ONECUT1: variants seen among roughly 807,000 people sequenced by gnomAD.
ONECUT1 encodes the protein hepatocyte nuclear factor 6.
ONECUT1 carries 12 observed loss-of-function variants against 25.6 expected under a neutral mutation model. The observed-to-expected ratio is 0.47, with a 90% CI of 0.30 to 0.76. The LOEUF (loss-of-function observed/expected upper bound fraction) is 0.76, where lower values mean the gene tolerates loss of function less well. Among genes scored for constraint, ONECUT1 ranks in the 30% least tolerant of loss-of-function variants. The pLI, the probability that ONECUT1 is intolerant of heterozygous loss-of-function variation, is 0.07. For synonymous variants in ONECUT1, 285 were observed against 270.2 expected, an observed-to-expected ratio of 1.05 and a Z score of -0.54; for missense variants, 620 against 651.2, an observed-to-expected ratio of 0.95 and a Z score of 0.52.
In ONECUT1 at chr15:52,755,845, A is replaced by G. The variant is rs973664946; in HGVS notation, c.*1710T>C. Among the ~76,000 whole-genome samples the G allele has an allele frequency of 5.9e-5, 9 of 152,186 alleles. No homozygotes were observed. The highest frequency in any genetic ancestry group is 2.2e-4 in the African/African-American group (9 of 41,418). ...GAATTCAGAGAGAATTTTTCTGGGA[A>G]TCAAGTGATTCACTGGGGTACCACT... On this transcript the variant is annotated 3_prime_UTR_variant, in exon 2 of 2. Transcript: ENST00000305901.
At chr15:52,760,299 G>A (rs62023484) in intron 1 of ONECUT1, among the ~76,000 whole-genome samples, 35,054 of 152,062 alleles carry the variant, frequency 0.23, 4,916 homozygotes, top group South Asian at 0.36. Context: ...AGCCCTCACC[G>A]GGCACCTAGA....
chr15:52,783,843 C>T (rs1050723530), intron 1 of ONECUT1, among the ~76,000 whole-genome samples: 4 of 152,226 alleles, frequency 2.6e-5, no homozygotes, highest in African/African-American at 9.6e-5. Context: ...CTGAGGTGTA[C>T]TTCGGAAGAT....
chr15:52,789,661 G>T lies in ONECUT1; in HGVS notation c.224C>A (p.Pro75His). 6.5e-7 allele frequency: 1 copy of T among 1,534,174 alleles called. No individual in the cohort carries two copies. ...CAGGGGGCCGGCCAGGCTGTGCTCA[G>T]GGGCCCGGTGGTGGTGGTGGTAATC... is the stretch of plus-strand genomic sequence containing the variant. The part of the protein sequence containing the change: ...GGDYHHHHRA[P>H]EHSLAGPLHP... Residue 75 changes from proline (P) to histidine (H), a missense_variant, in exon 1 of 2, where the codon CCT becomes CAT. Transcript: ENST00000305901. The surrounding 1 kb of genome is among the most constrained non-coding windows in gnomAD (Gnocchi z 4.1).
In ONECUT1 at chr15:52,757,442, T is replaced by C. The variant is rs1035016443; in HGVS notation, c.*113A>G. ...TTTCTTTGGACTATAAATAACGCTTTTTTTTCTTCAAATATTTCTAAGTAT... is the reference window on the plus strand; with the variant it reads ...TTTCTTTGGACTATAAATAACGCTTCTTTTTCTTCAAATATTTCTAAGTAT... On this transcript the variant is annotated 3_prime_UTR_variant, in exon 2 of 2. Coordinates refer to ENST00000305901, the MANE Select transcript of ONECUT1 (RefSeq NM_004498.4). 5 of 1,247,628 alleles carry C rather than the reference T, an allele frequency of 4.0e-6. No homozygotes were observed. The African/African-American group carries it at 6.1e-5, about 15-fold the overall frequency. The allele number at this position is 1,247,628 out of a possible 1,614,324, so 77.3% of individuals were successfully genotyped here.
intron 1 of ONECUT1, among the ~76,000 whole-genome samples, chr15:52,778,697 C>A (rs2083820018): frequency 6.6e-6 from 1 of 152,204 alleles, no homozygotes; most frequent in Non-Finnish European, 1.5e-5. Flanking sequence ...GACCACCTGA[C>A]AAGGGACTGG....
chr15:52,787,341 A>G (rs1294661235), intron 1 of ONECUT1, among the ~76,000 whole-genome samples: 1 of 151,992 alleles, frequency 6.6e-6, no homozygotes, highest in Admixed American at 6.5e-5. Flanking sequence ...AAACCCAAAG[A>G]ACGCTTTGGG....
At position 52,789,789 on chromosome 15, in the gene ONECUT1, G is replaced by C. The variant is rs1386152923; in HGVS notation, c.96C>G (p.Pro32=). Reference sequence around the variant, plus strand: ...GGTGCGCCACGGAGCTGCGCGCGTGGGGGCTGCCGCCCAGCAGGTCGGCAG... The same window carrying C: ...GGTGCGCCACGGAGCTGCGCGCGTGCGGGCTGCCGCCCAGCAGGTCGGCAG... ...PAPADLLGGS[P]HARSSVAHRG... Residue 32 remains proline, a synonymous_variant, in exon 1 of 2, where the codon CCC becomes CCG. Transcript: ENST00000305901. The surrounding 1 kb of genome is among the most constrained non-coding windows in gnomAD (Gnocchi z 4.1). 1 of 1,454,334 alleles carries C rather than the reference G, an allele frequency of 6.9e-7. No homozygotes were observed. Among genetic ancestry groups the C allele is most frequent in the Non-Finnish European group, 9.0e-7 (1 of 1,116,980 alleles). The allele number at this position is 1,454,334 out of a possible 1,614,324, so 90.1% of individuals were successfully genotyped here.
At chr15:52,766,013 G>A (rs746677969) in intron 1 of ONECUT1, among the ~76,000 whole-genome samples, 2 of 152,214 alleles carry the variant, frequency 1.3e-5, no homozygotes, top group Non-Finnish European at 2.9e-5. Context: ...GACATGAGCT[G>A]TGTTTGCTGT....
chr15:52,773,151 G>A (rs1239091575), intron 1 of ONECUT1, among the ~76,000 whole-genome samples: 2 of 152,154 alleles, frequency 1.3e-5, no homozygotes, highest in Admixed American at 6.5e-5. Context: ...TTTATTTTAT[G>A]GGTATGGGCA....
At chr15:52,783,590 A>G (rs2083854829) in intron 1 of ONECUT1, among the ~76,000 whole-genome samples, 1 of 152,158 alleles carries the variant, frequency 6.6e-6, no homozygotes, top group Non-Finnish European at 1.5e-5. Flanking sequence ...GGAAACAAAG[A>G]CTTCTCAGCT....
chr15:52,764,261 C>T (rs1230332768), intron 1 of ONECUT1, among the ~76,000 whole-genome samples: 7 of 152,210 alleles, frequency 4.6e-5, no homozygotes, highest in African/African-American at 2.4e-5. Flanking sequence ...CTCTTGAAGA[C>T]ACAAGCTCTG....
intron 1 of ONECUT1, among the ~76,000 whole-genome samples, chr15:52,774,100 C>T (rs1234128795): frequency 6.8e-6 from 1 of 146,834 alleles, no homozygotes; most frequent in African/African-American, 2.5e-5. Context: ...TGTACCATCC[C>T]ATAGGGAAAA....
chr15:52,779,310 G>A (rs574310946), intron 1 of ONECUT1, among the ~76,000 whole-genome samples: 6 of 151,790 alleles, frequency 4.0e-5, no homozygotes, highest in Admixed American at 2.6e-4. Flanking sequence ...GGATGGTCTC[G>A]ATCTCCTGAC....
chr15:52,781,018 T>C, intron 1 of ONECUT1: 1 of 471,848 alleles, frequency 2.1e-6, no homozygotes, highest in Non-Finnish European at 2.8e-6. Context: ...TATTACTTTT[T>C]AGTGCAGAGC....
At chr15:52,782,670 A>G (rs964910416) in intron 1 of ONECUT1, among the ~76,000 whole-genome samples, 1 of 152,228 alleles carries the variant, frequency 6.6e-6, no homozygotes, top group Non-Finnish European at 1.5e-5. Flanking sequence ...CAACTTCAGT[A>G]ACACCTTCCT....
intron 1 of ONECUT1, among the ~76,000 whole-genome samples, chr15:52,769,636 G>C (rs1304388327): frequency 6.6e-6 from 1 of 152,224 alleles, no homozygotes; most frequent in East Asian, 1.9e-4. Context: ...TCAGGGACAG[G>C]TAAGGAGCAG....
At chr15:52,770,388 TAAATCACCTGGA>T (rs1407488283) in intron 1 of ONECUT1, among the ~76,000 whole-genome samples, 1 of 152,226 alleles carries the variant, frequency 6.6e-6, no homozygotes, top group Non-Finnish European at 1.5e-5. Context: ...TTCTCAAACT[TAAATCACCTGGA>T]CATCTTGTTA....
In ONECUT1 at chr15:52,788,015, G is replaced by C. The variant is rs73411670; in HGVS notation, c.1105+765C>G. 4.6e-3 allele frequency: 701 copies of C among 152,328 alleles called. 4 individuals carry two copies. Among genetic ancestry groups the C allele is most frequent in the African/African-American group, 0.016 (681 of 41,554 alleles). 9.4% of individuals were successfully genotyped at this position (152,328 alleles called of 1,614,324 possible). A position where few individuals can be genotyped will look rare whatever the true frequency, so the allele number is the denominator to read the frequency against. On this transcript the variant is annotated intron_variant, in intron 1 of 1. Transcript: ENST00000305901. The surrounding 1 kb of genome is among the most constrained non-coding windows in gnomAD (Gnocchi z 4.3). The stretch of plus-strand genomic sequence containing the variant: ...GCACGGGGATTCAGACGAAAATCGC[G>C]AAGAGGAATAATAAAACAAAATGCA...
intron 1 of ONECUT1, among the ~76,000 whole-genome samples, chr15:52,770,515 T>A (rs2083760768): frequency 6.6e-6 from 1 of 152,048 alleles, no homozygotes; most frequent in East Asian, 1.9e-4. Flanking sequence ...GCACTCTGAG[T>A]AACAAGGGCT....
Sources: gnomAD v4.1 joint callset for allele counts (sites outside exome capture counted in the v4.1 genomes callset) on GRCh38, gnomAD v4.1.1 for gene constraint, Gnocchi (gnomAD v3.1) non-coding constraint, MANE v1.5 for transcripts, NCBI Gene and HGNC (gene_info 2026-07-23, HGNC 2026-07-21) for gene names.